The following PRELID2 variants were observed in gnomAD, a reference collection of about 807,000 sequenced individuals.
The protein encoded by PRELID2 is PRELI domain-containing protein 2.
PRELID2 carries 25 observed loss-of-function variants against 28.4 expected under a neutral mutation model. The ratio of observed to expected loss-of-function variants is 0.88; its 90% CI spans 0.64 to 1.23. The LOEUF (loss-of-function observed/expected upper bound fraction) is 1.23, where lower values mean the gene tolerates loss of function less well. PRELID2 is among the 50% of genes most tolerant of loss of function. The pLI, the probability that PRELID2 is intolerant of heterozygous loss-of-function variation, is 0.00. For missense variants in PRELID2, 201 were observed against 214.4 expected (o/e 0.94, Z 0.39); for synonymous variants, 76 against 71.6 (o/e 1.06, Z -0.31).
At chr5:145,780,302 C>T (rs1214786066) in intron 5 of PRELID2, among the ~76,000 whole-genome samples, 6 of 152,302 alleles carry the variant, frequency 3.9e-5, no homozygotes, top group Non-Finnish European at 7.3e-5. Flanking sequence ...CGCCTCAAAA[C>T]GACAACAATA....
intron 1 of PRELID2, among the ~76,000 whole-genome samples, chr5:145,617,996 G>A (rs1467337829): frequency 6.6e-6 from 1 of 152,134 alleles, no homozygotes; most frequent in Admixed American, 6.5e-5. Context: ...GCCTCCCAAA[G>A]TGCTGGGATT....
At chr5:145,276,221 A>C in the PRELID2 span, among the ~76,000 whole-genome samples, 1 of 152,152 alleles carries the variant, frequency 6.6e-6, no homozygotes. Flanking sequence ...AATTGATGGA[A>C]GCACATTAAT....
At chr5:145,782,280 G>A (rs1581192349) in intron 5 of PRELID2, among the ~76,000 whole-genome samples, 2 of 152,170 alleles carry the variant, frequency 1.3e-5, no homozygotes, top group Admixed American at 1.3e-4. Flanking sequence ...AGTGAATGGC[G>A]GTTGAGAGGA....
chr5:145,433,072 C>A, the PRELID2 span, among the ~76,000 whole-genome samples: 1 of 151,936 alleles, frequency 6.6e-6, no homozygotes, highest in Non-Finnish European at 1.5e-5. Context: ...TACTAAGATG[C>A]CCCAGCAGAT....
chr5:145,351,638 A>G, the PRELID2 span, among the ~76,000 whole-genome samples: 3 of 152,068 alleles, frequency 2.0e-5, no homozygotes, highest in Non-Finnish European at 2.9e-5. Flanking sequence ...AAACACAATC[A>G]TGCCTTTCCA....
chr5:145,495,216 C>T (rs1360318984), intron 1 of PRELID2, among the ~76,000 whole-genome samples: 1 of 152,184 alleles, frequency 6.6e-6, no homozygotes, highest in African/African-American at 2.4e-5. Flanking sequence ...GGCACAGTCT[C>T]TCAGCATCAC....
At chr5:145,827,184 C>T (rs1295387275) in intron 1 of PRELID2, among the ~76,000 whole-genome samples, 1 of 152,104 alleles carries the variant, frequency 6.6e-6, no homozygotes, top group Admixed American at 6.5e-5. Flanking sequence ...CAAACATGTA[C>T]ATGCAAAGAG....
chr5:145,710,292 A>G (rs555512715), intron 1 of PRELID2, among the ~76,000 whole-genome samples: 2 of 152,332 alleles, frequency 1.3e-5, no homozygotes, highest in African/African-American at 4.8e-5. Flanking sequence ...TAAGAAGAAA[A>G]TTGTGTTACA....
chr5:145,423,135 G>T, the PRELID2 span, among the ~76,000 whole-genome samples: 2 of 151,982 alleles, frequency 1.3e-5, no homozygotes, highest in Non-Finnish European at 2.9e-5. Context: ...CCCTGTGAGG[G>T]TAACCCAACC....
At chr5:145,291,845 A>T in the PRELID2 span, among the ~76,000 whole-genome samples, 1 of 152,198 alleles carries the variant, frequency 6.6e-6, no homozygotes, top group Non-Finnish European at 1.5e-5. Flanking sequence ...TTGCATGTGG[A>T]CATCCAGTTG....
chr5:145,291,360 A>G, the PRELID2 span, among the ~76,000 whole-genome samples: 27 of 150,310 alleles, frequency 1.8e-4, no homozygotes, highest in African/African-American at 6.2e-4. Flanking sequence ...AAAAAAAAAA[A>G]AGGAGAGGGG....
At chr5:145,273,983 A>C in the PRELID2 span, among the ~76,000 whole-genome samples, 87 of 152,258 alleles carry the variant, frequency 5.7e-4, 2 homozygotes, top group East Asian at 0.013. Context: ...ATAGTGAACG[A>C]GAGGGACAGG....
chr5:145,277,423 T>C, the PRELID2 span, among the ~76,000 whole-genome samples: 2 of 152,146 alleles, frequency 1.3e-5, no homozygotes, highest in African/African-American at 2.4e-5. Flanking sequence ...AAGGCTCCCA[T>C]TCATTTAACT....
chr5:145,793,308 T>C (rs1303108024), intron 5 of PRELID2, among the ~76,000 whole-genome samples: 1 of 152,198 alleles, frequency 6.6e-6, no homozygotes, highest in Non-Finnish European at 1.5e-5. Context: ...TACCTAGTTT[T>C]GATTTTTCTG....
At chr5:145,395,324 C>A in the PRELID2 span, among the ~76,000 whole-genome samples, 1 of 152,108 alleles carries the variant, frequency 6.6e-6, no homozygotes, top group Admixed American at 6.6e-5. Flanking sequence ...ATTCAATGCT[C>A]CAGGAGTTTG....
chr5:145,331,573 T>G, the PRELID2 span, among the ~76,000 whole-genome samples: 1 of 152,182 alleles, frequency 6.6e-6, no homozygotes, highest in African/African-American at 2.4e-5. Flanking sequence ...GTCTGTTTTA[T>G]CAGAGACTAG....
At chr5:145,556,475 A>C (rs968738364) in intron 1 of PRELID2, among the ~76,000 whole-genome samples, 3 of 152,270 alleles carry the variant, frequency 2.0e-5, no homozygotes, top group Admixed American at 2.0e-4. Context: ...ATTTCTTTCC[A>C]TAACTATTAT....
At chr5:145,616,748 A>G (rs550030949) in intron 1 of PRELID2, among the ~76,000 whole-genome samples, 46 of 152,340 alleles carry the variant, frequency 3.0e-4, no homozygotes, top group Admixed American at 7.2e-4. Context: ...TAAAATTACA[A>G]TGAAGTTTCA....
chr5:145,798,877 G>A (rs1179143123), intron 4 of PRELID2, among the ~76,000 whole-genome samples: 1 of 152,128 alleles, frequency 6.6e-6, no homozygotes, highest in Non-Finnish European at 1.5e-5. Context: ...CTGTCAGTGG[G>A]TGGGGGCCTA....
Sources: allele counts gnomAD v4.1 joint callset (sites outside exome capture counted in the v4.1 genomes callset), GRCh38; gene constraint gnomAD v4.1.1; transcripts MANE v1.5; gene names NCBI Gene and HGNC (gene_info 2026-07-23, HGNC 2026-07-21).